The following PRSS48 variants were observed in gnomAD, a reference collection of about 807,000 sequenced individuals.
The protein encoded by PRSS48 is serine protease 48.
In PRSS48, 21 loss-of-function variants were observed where a neutral mutation model predicts 25.6. The ratio of observed to expected loss-of-function variants is 0.82; its 90% CI spans 0.58 to 1.18. PRSS48 has a LOEUF of 1.18. Among genes scored for constraint, PRSS48 ranks in the 50% most tolerant of loss-of-function variants. The pLI is 0.00. For synonymous variants in PRSS48, 150 were observed against 149.3 expected, an observed-to-expected ratio of 1.00 and a Z score of -0.04; for missense variants, 373 against 399.3, an observed-to-expected ratio of 0.93 and a Z score of 0.56.
At chr4:151,281,888 G>A (rs924827232) in intron 2 of PRSS48, among the ~76,000 whole-genome samples, 4 of 152,040 alleles carry the variant, frequency 2.6e-5, no homozygotes, top group Admixed American at 1.3e-4. Context: ...AGAGGTAAAT[G>A]AGAGAACCGG....
In PRSS48 at chr4:151,283,210, T is replaced by C. The variant is rs776510222; in HGVS notation, c.575T>C (p.Leu192Ser). ...CTCTACAATCCCATCGGTATCTTCT[T>C]GCCAGCACTGGAGCCAGTCATCAAG... is the stretch of plus-strand genomic sequence containing the variant. The change falls in exon 4 of 5, where the codon TTG (leucine) becomes TCG (serine). Residue 192 changes from leucine to serine, a missense_variant. Physicochemically the swap from Leu to Ser is moderately radical, Grantham distance 145 (BLOSUM62 -2). Transcript: ENST00000455694. 3.2e-5 allele frequency: 52 copies of C among 1,613,782 alleles called. No homozygotes were observed. Among genetic ancestry groups the C allele is most frequent in the Non-Finnish European group, 4.1e-5 (48 of 1,179,842 alleles).
At chr4:151,281,667 TGTTATTTA>T (rs1343460334) in intron 2 of PRSS48, among the ~76,000 whole-genome samples, 10 of 126,140 alleles carry the variant, frequency 7.9e-5, no homozygotes, top group African/African-American at 2.6e-4. Context: ...GCAGAGAACT[TGTTATTTA>T]TTTATTTATT....
chr4:151,291,482 G>A, downstream of PRSS48: 2 of 1,432,954 alleles, frequency 1.4e-6, no homozygotes. Context: ...CTAACCCTGG[G>A]TGACTTTATT....
At chr4:151,287,994 C>T (rs191479697) in intron 4 of PRSS48, among the ~76,000 whole-genome samples, 1 of 152,158 alleles carries the variant, frequency 6.6e-6, no homozygotes, top group South Asian at 2.1e-4. Context: ...TGTTAATATA[C>T]CATGTTCTTA....
At chr4:151,280,808 TA>T (rs891400469) in intron 2 of PRSS48, among the ~76,000 whole-genome samples, 5 of 150,652 alleles carry the variant, frequency 3.3e-5, no homozygotes, top group African/African-American at 7.3e-5. Flanking sequence ...AAATTAAGTT[TA>T]AAAAAAAACT....
chr4:151,277,484 C>T (rs1047895076), intron 1 of PRSS48, among the ~76,000 whole-genome samples: 3 of 151,914 alleles, frequency 2.0e-5, no homozygotes, highest in African/African-American at 7.3e-5. Flanking sequence ...AATTATAAGG[C>T]TTGTTAGAAG....
chr4:151,286,184 G>GAACAAAAAA (rs1774746816), intron 4 of PRSS48, among the ~76,000 whole-genome samples: 1 of 86,628 alleles, frequency 1.2e-5, no homozygotes, highest in African/African-American at 4.7e-5. Context: ...CTGTCTTAAA[G>GAACAAAAAA]AAAAAAAAAA....
rs772072177 is a variant in PRSS48 at position 151,277,231 on chromosome 4, G to A, written c.52+7G>A. 6.0e-6 allele frequency: 9 copies of A among 1,501,196 alleles called. No homozygotes were observed. Among genetic ancestry groups the A allele is most frequent in the South Asian group, 1.3e-5 (1 of 74,688 alleles). The allele number at this position is 1,501,196 out of a possible 1,614,324, so 93.0% of individuals were successfully genotyped here. A position where few individuals can be genotyped will look rare whatever the true frequency, so the allele number is the denominator to read the frequency against. On this transcript the variant is annotated splice_region_variant and intron_variant, in intron 1 of 4. Coordinates refer to ENST00000455694, the Ensembl canonical transcript of PRSS48. ...CTTCTGCTGGGGATCTCAGGTGAGC[G>A]CCAGGGTGGGGTTGAGAAGGCAGAG...
intron 1 of PRSS48, 25 bp from the exon 2 acceptor site, chr4:151,279,771 A>C (rs1561425503): frequency 6.2e-7 from 1 of 1,611,270 alleles, no homozygotes; most frequent in East Asian, 2.2e-5. Flanking sequence ...AGGTTTCCAC[A>C]TTTCCCTTTC....
At chr4:151,282,025 G>A in intron 2 of PRSS48, 123 bp from the exon 3 acceptor site, 2 of 945,664 alleles carry the variant, frequency 2.1e-6, no homozygotes, top group East Asian at 2.4e-5. Flanking sequence ...GAAGTTGGAA[G>A]CACCATGGTT....
chr4:151,283,375 G>A (rs1296647358), intron 4 of PRSS48, 89 bp downstream of exon 4: 3 of 1,186,910 alleles, frequency 2.5e-6, no homozygotes, highest in African/African-American at 3.0e-5. Flanking sequence ...AGTGGATTGG[G>A]AGTCAGGAGA....
At chr4:151,291,277 A>C (rs774995588) in exon 5 of PRSS48, 2 of 1,613,996 alleles carry the variant, frequency 1.2e-6, no homozygotes, top group Admixed American at 3.3e-5. Flanking sequence ...AAGAGCCAAC[A>C]ATCTAGACTT....
intron 4 of PRSS48, among the ~76,000 whole-genome samples, chr4:151,287,419 AG>A (rs574278628): frequency 6.4e-4 from 98 of 152,164 alleles, no homozygotes; most frequent in Middle Eastern, 6.8e-3. Flanking sequence ...AACCTGACAA[AG>A]GCATCACAAG....
At chr4:151,278,596 C>T (rs1203916159) in intron 1 of PRSS48, among the ~76,000 whole-genome samples, 2 of 152,076 alleles carry the variant, frequency 1.3e-5, no homozygotes, top group African/African-American at 4.8e-5. Context: ...CCCATGTGAC[C>T]TAGGGTTTCC....
At chr4:151,280,035 A>T in intron 2 of PRSS48, 77 bp downstream of exon 2, 1 of 1,519,270 alleles carries the variant, frequency 6.6e-7, no homozygotes, top group Non-Finnish European at 9.0e-7. Flanking sequence ...GAACCAAAAG[A>T]CAAATGAAAG....
chr4:151,282,271 A>G, exon 3 of PRSS48: 1 of 1,614,008 alleles, frequency 6.2e-7, no homozygotes, highest in South Asian at 1.1e-5. Flanking sequence ...ATACAACGGC[A>G]GACGTCGCCT....
In PRSS48 at chr4:151,283,168, G is replaced by T. The variant is rs372546589; in HGVS notation, c.533G>T (p.Arg178Leu). 35 of 1,613,766 alleles carry T rather than the reference G, an allele frequency of 2.2e-5. No individual in the cohort carries two copies. Among genetic ancestry groups the T allele is most frequent in the Non-Finnish European group, 2.8e-5 (33 of 1,179,776 alleles). Residue 178 changes from arginine (R) to leucine (L), a missense_variant, in exon 4 of 5, where the codon CGC (arginine) becomes CTC (leucine). By Grantham distance (102) the Arg-to-Leu change is moderately radical (BLOSUM62 -2). Coordinates refer to ENST00000455694, the Ensembl canonical transcript of PRSS48. ...GAAGCAGAAGTACCCATTATTGACC[G>T]CCAGGCTTGTGAACAGCTCTACAAT...
exon 4 of PRSS48, chr4:151,283,211 G>T (rs1403633150): frequency 1.9e-6 from 3 of 1,613,820 alleles, no homozygotes; most frequent in Non-Finnish European, 2.5e-6. Context: ...GTATCTTCTT[G>T]CCAGCACTGG....
At chr4:151,287,498 A>AT (rs1774923794) in intron 4 of PRSS48, among the ~76,000 whole-genome samples, 2 of 152,120 alleles carry the variant, frequency 1.3e-5, no homozygotes, top group Non-Finnish European at 1.5e-5. Flanking sequence ...ATCCAACAAC[A>AT]TATAAAAAGG....
Sources: allele counts gnomAD v4.1 joint callset (sites outside exome capture counted in the v4.1 genomes callset), GRCh38; gene constraint gnomAD v4.1.1; transcripts MANE v1.5; gene names NCBI Gene and HGNC (gene_info 2026-07-23, HGNC 2026-07-21).